The following SMAP1 variants were observed in gnomAD, a reference collection of about 807,000 sequenced individuals.
SMAP1 encodes stromal membrane-associated protein 1.
A neutral mutation model predicts 58.5 loss-of-function variants in SMAP1; 24 were observed. The ratio of observed to expected loss-of-function variants is 0.41; its 90% CI spans 0.30 to 0.58. SMAP1 has a LOEUF of 0.58. Ranked by LOEUF, SMAP1 falls within the 20% of genes least tolerant of loss-of-function variation. The probability of loss-of-function intolerance (pLI) is 0.29; values close to 1 mark genes in which losing one functional copy is unlikely to be tolerated. For missense variants in SMAP1, 563 were observed against 566.3 expected (o/e 0.99, Z 0.06); for synonymous variants, 216 against 196.6 (o/e 1.10, Z -0.82).
intron 6 of SMAP1, among the ~76,000 whole-genome samples, chr6:70,816,081 A>G (rs1769617271): frequency 6.6e-6 from 1 of 152,150 alleles, no homozygotes; most frequent in Non-Finnish European, 1.5e-5. Flanking sequence ...GAATTGAGAG[A>G]TATCATGTTG....
At chr6:70,763,249 A>C (rs1025956533) in intron 3 of SMAP1, among the ~76,000 whole-genome samples, 1 of 151,572 alleles carries the variant, frequency 6.6e-6, no homozygotes, top group Non-Finnish European at 1.5e-5. Context: ...GAATATTTCA[A>C]ACTTTTTTAT....
chr6:70,816,294 C>T (rs955604457), intron 6 of SMAP1, among the ~76,000 whole-genome samples: 1 of 152,000 alleles, frequency 6.6e-6, no homozygotes, highest in Non-Finnish European at 1.5e-5. Context: ...TTGAGAGAGC[C>T]TTAAATTTCG....
chr6:70,679,247 G>T (rs1013030840), intron 1 of SMAP1, among the ~76,000 whole-genome samples: 26 of 152,076 alleles, frequency 1.7e-4, no homozygotes, highest in Non-Finnish European at 2.9e-4. Flanking sequence ...TCAAACCCCT[G>T]ACCTCGAGTG....
chr6:70,821,113 A>G (rs796902437), intron 6 of SMAP1, among the ~76,000 whole-genome samples: 10 of 152,192 alleles, frequency 6.6e-5, no homozygotes, highest in African/African-American at 2.4e-4. Flanking sequence ...TTTAAAGAGA[A>G]AAATTAAGAG....
chr6:70,779,577 A>T (rs1254479289), intron 4 of SMAP1, among the ~76,000 whole-genome samples: 1 of 152,114 alleles, frequency 6.6e-6, no homozygotes, highest in Admixed American at 6.5e-5. Flanking sequence ...TTACCTTGCC[A>T]CCATGATGGG....
rs1425981069 is a variant in SMAP1 at position 70,836,921 on chromosome 6, T to C, written c.577-20T>C. 2.0e-6 allele frequency: 3 copies of C among 1,523,724 alleles called. No homozygotes were observed. The highest frequency in any genetic ancestry group is 1.8e-6 in the Non-Finnish European group (2 of 1,138,298). 94.4% of individuals were successfully genotyped at this position (1,523,724 alleles called of 1,614,324 possible). A position where few individuals can be genotyped will look rare whatever the true frequency, so the allele number is the denominator to read the frequency against. ...AATTTACTTAAGAAAAATTAATAAA[T>C]CCAATTATTTACTTTAAAGCTGCAG... On this transcript the variant is annotated intron_variant, in intron 6 of 10. Transcript: ENST00000370455.
Position 70,859,028 on chromosome 6 carries a change from T to C in SMAP1, c.1269+799T>C, listed in dbSNP as rs1308171477. ...ACTCTTCTTCCTTTTACACTTCCCATTGATGTTCCTCCAGCATTTTGGCAA... is the reference window on the plus strand; with the variant it reads ...ACTCTTCTTCCTTTTACACTTCCCACTGATGTTCCTCCAGCATTTTGGCAA... On this transcript the variant is annotated intron_variant, in intron 10 of 10. Transcript: ENST00000370455. The C allele has an allele frequency of 5.6e-5, 12 of 212,682 alleles. No homozygotes were observed. The South Asian group carries it at 6.9e-4, about 12-fold the overall frequency. 13.2% of individuals were successfully genotyped at this position (212,682 alleles called of 1,614,324 possible). A position where few individuals can be genotyped will look rare whatever the true frequency, so the allele number is the denominator to read the frequency against.
chr6:70,836,016 C>T (rs946354882), intron 6 of SMAP1, among the ~76,000 whole-genome samples: 7 of 152,082 alleles, frequency 4.6e-5, no homozygotes, highest in African/African-American at 1.7e-4. Context: ...ATATCAAATA[C>T]CATTTCATTA....
chr6:70,749,368 C>T (rs143818687), intron 2 of SMAP1, among the ~76,000 whole-genome samples: 1 of 152,208 alleles, frequency 6.6e-6, no homozygotes, highest in East Asian at 1.9e-4. Context: ...GAAGCCAAAC[C>T]ATATCAATTG....
intron 1 of SMAP1, chr6:70,694,172 C>A: frequency 2.9e-6 from 1 of 345,700 alleles, no homozygotes; most frequent in South Asian, 2.7e-5. Flanking sequence ...ACAGCAAAGT[C>A]AGAAATCGAG....
At chr6:70,788,686 C>T (rs1444176883) in intron 4 of SMAP1, among the ~76,000 whole-genome samples, 2 of 152,006 alleles carry the variant, frequency 1.3e-5, no homozygotes, top group Admixed American at 6.6e-5. Flanking sequence ...TAGAGAAAAA[C>T]CAGAAGGAGT....
Position 70,816,472 on chromosome 6 carries a change from T to C in SMAP1, c.576+17735T>C, listed in dbSNP as rs182063741. Among the ~76,000 whole-genome samples the C allele has an allele frequency of 3.5e-3, 528 of 152,256 alleles. 6 individuals carry two copies. The highest frequency in any genetic ancestry group is 0.012 in the African/African-American group (505 of 41,566). ...GAGATAATTGGAGCTTGATGTACAG[T>C]CCTATTTATAAAGGTAGATTAGCCT... On this transcript the variant is annotated intron_variant, in intron 6 of 10. Transcript: ENST00000370455.
At chr6:70,772,118 TG>T (rs1242689854) in intron 3 of SMAP1, among the ~76,000 whole-genome samples, 1 of 152,140 alleles carries the variant, frequency 6.6e-6, no homozygotes, top group Admixed American at 6.6e-5. Context: ...AGATGAAGCT[TG>T]AGTACCCATA....
chr6:70,751,700 T>A (rs548871498), intron 2 of SMAP1, among the ~76,000 whole-genome samples: 21 of 152,276 alleles, frequency 1.4e-4, no homozygotes, highest in Non-Finnish European at 2.5e-4. Flanking sequence ...TTATCCCTCC[T>A]GTAGAAGTGA....
intron 1 of SMAP1, among the ~76,000 whole-genome samples, chr6:70,698,699 G>T (rs1430131302): frequency 6.6e-6 from 1 of 152,132 alleles, no homozygotes; most frequent in Non-Finnish European, 1.5e-5. Flanking sequence ...TCTTCAGTAT[G>T]TCAGTTGAAT....
At chr6:70,838,353 A>G (rs1375745332) in intron 7 of SMAP1, among the ~76,000 whole-genome samples, 1 of 152,206 alleles carries the variant, frequency 6.6e-6, no homozygotes, top group East Asian at 1.9e-4. Context: ...TGTAGATACT[A>G]GGGAGATAGA....
At chr6:70,853,707 C>T (rs1420966564) in intron 8 of SMAP1, among the ~76,000 whole-genome samples, 1 of 152,040 alleles carries the variant, frequency 6.6e-6, no homozygotes, top group East Asian at 1.9e-4. Context: ...TGGCTTTGCC[C>T]CTTCTTCCCC....
At chr6:70,831,735 G>A (rs964990456) in intron 6 of SMAP1, among the ~76,000 whole-genome samples, 3 of 152,050 alleles carry the variant, frequency 2.0e-5, no homozygotes, top group Non-Finnish European at 4.4e-5. Context: ...CATACGTGTG[G>A]ATATGTATTT....
intron 2 of SMAP1, among the ~76,000 whole-genome samples, chr6:70,744,216 C>T (rs1384680231): frequency 6.6e-6 from 1 of 150,570 alleles, no homozygotes; most frequent in African/African-American, 2.5e-5. Context: ...GGTACATGTG[C>T]ACAACATGCA....
Sources: allele counts gnomAD v4.1 joint callset (sites outside exome capture counted in the v4.1 genomes callset), GRCh38; gene constraint gnomAD v4.1.1; transcripts MANE v1.5; gene names NCBI Gene and HGNC (gene_info 2026-07-23, HGNC 2026-07-21).